Variants in COG5 observed in about 807,000 individuals in gnomAD.
COG5 encodes conserved oligomeric Golgi complex subunit 5.
A neutral mutation model predicts 110.4 loss-of-function variants in COG5; 86 were observed. That is an observed-to-expected ratio of 0.78 (90% CI 0.65 to 0.93). COG5 has a LOEUF of 0.93. COG5 is among the 40% of genes least tolerant of loss of function. COG5 has a pLI of 0.00. For missense variants in COG5, 1,077 were observed against 987.0 expected (o/e 1.09, Z -1.22); for synonymous variants, 360 against 334.6 (o/e 1.08, Z -0.83).
intron 11 of COG5, among the ~76,000 whole-genome samples, chr7:107,321,991 G>A (rs1031634734): frequency 1.4e-4 from 21 of 152,172 alleles, no homozygotes; most frequent in Non-Finnish European, 2.9e-4. Context: ...CCCAGAATAT[G>A]CAAAGATTCC....
At chr7:107,397,619 C>T (rs762875232) in intron 7 of COG5, among the ~76,000 whole-genome samples, 4 of 152,170 alleles carry the variant, frequency 2.6e-5, no homozygotes, top group Non-Finnish European at 4.4e-5. Context: ...ACTCATTACT[C>T]TATAAAGTGG....
chr7:107,530,617 A>C (rs960157616), intron 5 of COG5, among the ~76,000 whole-genome samples: 15 of 151,096 alleles, frequency 9.9e-5, no homozygotes, highest in African/African-American at 3.2e-4. Flanking sequence ...AAAAAAAAAA[A>C]AAAAAAAAAC....
chr7:107,428,046 G>T (rs1339451739), intron 6 of COG5, among the ~76,000 whole-genome samples: 1 of 152,066 alleles, frequency 6.6e-6, no homozygotes, highest in Non-Finnish European at 1.5e-5. Context: ...CCACTCAAAG[G>T]TGGGCTCGAC....
intron 6 of COG5, among the ~76,000 whole-genome samples, chr7:107,522,062 T>C (rs1584928635): frequency 6.6e-6 from 1 of 151,350 alleles, no homozygotes; most frequent in Non-Finnish European, 1.5e-5. Flanking sequence ...TAAATGGGAG[T>C]TGAACAACGA....
At chr7:107,394,295 T>TA (rs201411444) in intron 7 of COG5, among the ~76,000 whole-genome samples, 20,904 of 139,770 alleles carry the variant, frequency 0.15, 2,067 homozygotes, top group African/African-American at 0.3. Context: ...AAAAGATACT[T>TA]AAAAAAAAAA....
At chr7:107,395,657 C>A (rs948182908) in intron 7 of COG5, among the ~76,000 whole-genome samples, 1 of 140,624 alleles carries the variant, frequency 7.1e-6, no homozygotes, top group Non-Finnish European at 1.5e-5. Flanking sequence ...TAGGTTCAAG[C>A]AATTCTCCTG....
At chr7:107,244,770 A>T (rs184427346) in intron 17 of COG5, among the ~76,000 whole-genome samples, 1 of 152,220 alleles carries the variant, frequency 6.6e-6, no homozygotes, top group Non-Finnish European at 1.5e-5. Context: ...TTCCCTGAAC[A>T]GACTAATAAT....
At chr7:107,482,407 A>T (rs1278288814) in intron 6 of COG5, among the ~76,000 whole-genome samples, 1 of 152,048 alleles carries the variant, frequency 6.6e-6, no homozygotes, top group Non-Finnish European at 1.5e-5. Flanking sequence ...TGGCCTCCCA[A>T]AGTTCTGGGA....
At position 107,524,754 on chromosome 7, in the gene COG5, C is replaced by T. The variant is rs375172741; in HGVS notation, c.538+2483G>A. On this transcript the variant is annotated intron_variant, in intron 6 of 21. Coordinates refer to ENST00000297135, the MANE Select transcript of COG5 (RefSeq NM_006348.5). ...AAGGCTTTTAAAAATTAGATTAACA[C>T]AATCCACTTTGAGATCATTCCACCA... Among the ~76,000 whole-genome samples, 50 of 152,286 alleles carry T rather than the reference C, an allele frequency of 3.3e-4. 2 individuals carry two copies. In the East Asian group the frequency reaches 6.7e-3, roughly 21 times the overall value.
intron 6 of COG5, among the ~76,000 whole-genome samples, chr7:107,473,774 A>ATTT (rs1796794287): frequency 6.6e-6 from 1 of 151,976 alleles, no homozygotes; most frequent in Non-Finnish European, 1.5e-5. Flanking sequence ...TACTCAAATG[A>ATTT]GAAAAGCCCT....
Position 107,283,708 on chromosome 7 carries a change from T to C in COG5, c.1338A>G (p.Ser446=). The change falls in exon 13 of 22, where the codon TCA becomes TCG. Residue 446 remains serine (S), a synonymous_variant. Transcript: ENST00000297135. The part of the protein sequence containing the change: ...DYDPEKALKD[S]LQPYEAAYLS... ...GATAAGCAGCCTCATAGGGTTGTAG[T>C]GAGTCTTTCAAAGCCTTTTCTGGAC... 1.2e-6 allele frequency: 2 copies of C among 1,614,054 alleles called. No homozygotes were observed. The highest frequency in any genetic ancestry group is 8.5e-7 in the Non-Finnish European group (1 of 1,179,944).
chr7:107,415,256 G>A (rs879739698), intron 6 of COG5, among the ~76,000 whole-genome samples: 6 of 152,164 alleles, frequency 3.9e-5, no homozygotes, highest in Non-Finnish European at 7.3e-5. Context: ...GCACCATGAT[G>A]AGGAGTCAAA....
At chr7:107,305,478 T>C (rs1462571785) in intron 11 of COG5, among the ~76,000 whole-genome samples, 1 of 152,186 alleles carries the variant, frequency 6.6e-6, no homozygotes, top group Non-Finnish European at 1.5e-5. Flanking sequence ...TAGTTATCTA[T>C]TGTCATGTAA....
At chr7:107,533,359 AAC>A (rs1801347227) in intron 5 of COG5, among the ~76,000 whole-genome samples, 1 of 151,632 alleles carries the variant, frequency 6.6e-6, no homozygotes, top group South Asian at 2.1e-4. Context: ...GGCGGGTAAT[AAC>A]AAACTCCTCC....
rs912049354 is a variant in COG5, at chr7:107,421,735, C to G, written c.539-9103G>C. ...GAGCTGAGATTGCGCCACTGCACTC[C>G]AGCCTGGGAGACAGAAGGAGACTCC... On this transcript the variant is annotated intron_variant, in intron 6 of 21. Transcript: ENST00000297135. Among the ~76,000 whole-genome samples, 11 of 149,988 alleles carry G rather than the reference C, an allele frequency of 7.3e-5. No individual in the cohort carries two copies. In the East Asian group the frequency reaches 1.4e-3, roughly 19 times the overall value.
chr7:107,310,734 AAC>A (rs1392618070), intron 11 of COG5, among the ~76,000 whole-genome samples: 7 of 152,152 alleles, frequency 4.6e-5, no homozygotes, highest in African/African-American at 1.4e-4. Context: ...AGCAGGTGCT[AAC>A]ACTAAGACAT....
intron 11 of COG5, among the ~76,000 whole-genome samples, chr7:107,317,337 G>A (rs576868508): frequency 6.1e-4 from 93 of 152,054 alleles, no homozygotes; most frequent in Non-Finnish European, 1.0e-3. Flanking sequence ...GAACAGAGGC[G>A]CATAGACAGA....
chr7:107,285,053 T>G (rs925632378), intron 12 of COG5, among the ~76,000 whole-genome samples: 1 of 152,240 alleles, frequency 6.6e-6, no homozygotes, highest in African/African-American at 2.4e-5. Context: ...TATCTCTTAA[T>G]GTTTTCTCAT....
chr7:107,330,436 CAACATAATTA>C (rs1250450574), intron 10 of COG5, among the ~76,000 whole-genome samples: 1 of 152,112 alleles, frequency 6.6e-6, no homozygotes, highest in Non-Finnish European at 1.5e-5. Flanking sequence ...CCATTGATTT[CAACATAATTA>C]AATGTATACA....
Sources: allele counts gnomAD v4.1 joint callset (sites outside exome capture counted in the v4.1 genomes callset), GRCh38; gene constraint gnomAD v4.1.1; transcripts MANE v1.5; gene names NCBI Gene and HGNC (gene_info 2026-07-23, HGNC 2026-07-21).